Variants in FER1L5 observed in about 807,000 individuals in gnomAD.
The protein encoded by FER1L5 is fer-1-like protein 5.
Under a neutral mutation model 279.9 loss-of-function variants are expected in FER1L5, and 187 were observed. The ratio of observed to expected loss-of-function variants is 0.67; its 90% CI spans 0.59 to 0.75. FER1L5 has a LOEUF of 0.75. Among genes scored for constraint, FER1L5 ranks in the 30% least tolerant of loss-of-function variants. The pLI is 0.00. For synonymous variants in FER1L5, 921 were observed against 989.7 expected, an observed-to-expected ratio of 0.93 and a Z score of 1.30; for missense variants, 2,091 against 2,594.4, an observed-to-expected ratio of 0.81 and a Z score of 4.21.
chr2:96,691,786 A>G lies in FER1L5; in HGVS notation c.3076-39A>G. The G allele has an allele frequency of 6.4e-7, 1 of 1,551,674 alleles. No homozygotes were observed. The highest frequency in any genetic ancestry group is 8.7e-7 in the Non-Finnish European group (1 of 1,146,984). The stretch of plus-strand genomic sequence containing the variant: ...GGCCTGGGCTAGAGGAAACAGGAGC[A>G]GCACCCAAGAGCCTCAGGGGAGACT... On this transcript the variant is annotated intron_variant, in intron 29 of 52. Coordinates refer to ENST00000624922, the MANE Select transcript of FER1L5 (RefSeq NM_001293083.2). The surrounding 1 kb of genome is among the most constrained non-coding windows in gnomAD (Gnocchi z 6.0).
intron 19 of FER1L5, among the ~76,000 whole-genome samples, chr2:96,675,495 C>A (rs373810088): frequency 6.6e-6 from 1 of 152,158 alleles, no homozygotes; most frequent in Non-Finnish European, 1.5e-5. Context: ...GGTACAATCT[C>A]AGCTCACTGC....
chr2:96,698,004 C>T lies in FER1L5; in HGVS notation c.4237-33C>T. On this transcript the variant is annotated intron_variant, in intron 39 of 52. Transcript: ENST00000624922. This position sits in a 1 kb window ranked among gnomAD's most constrained non-coding sequence, Gnocchi z 5.5. ...TCCATCTCCTAATCACGGGAACAGT[C>T]TCCACCAGCCAGGGTTCCACACACC... 6.5e-7 allele frequency: 1 copy of T among 1,543,910 alleles called. No individual in the cohort carries two copies. Among genetic ancestry groups the T allele is most frequent in the Non-Finnish European group, 8.7e-7 (1 of 1,143,072 alleles).
intron 24 of FER1L5, among the ~76,000 whole-genome samples, chr2:96,688,151 T>C (rs76725706): frequency 0.028 from 4,218 of 152,212 alleles, 201 homozygotes; most frequent in African/African-American, 0.098. Context: ...GAGGCAGAGA[T>C]TAAAGCAATC....
chr2:96,647,240 A>C (rs937551677), intron 3 of FER1L5, 85 bp downstream of exon 3: 20 of 1,393,288 alleles, frequency 1.4e-5, no homozygotes, highest in Non-Finnish European at 1.7e-5. Context: ...TCCATAACTC[A>C]CTCAGATGAA....
chr2:96,658,972 G>T (rs2075709867), intron 9 of FER1L5, among the ~76,000 whole-genome samples: 1 of 151,950 alleles, frequency 6.6e-6, no homozygotes, highest in African/African-American at 2.4e-5. Flanking sequence ...TTGGGACGGA[G>T]TCTCTCTCTG....
chr2:96,668,667 G>T lies in FER1L5; in HGVS notation c.1141-84G>T. The T allele has an allele frequency of 2.7e-6, 4 of 1,490,574 alleles. No homozygotes were observed. In the South Asian group the frequency reaches 3.6e-5, roughly 14 times the overall value. The allele number at this position is 1,490,574 out of a possible 1,614,324, so 92.3% of individuals were successfully genotyped here. A position where few individuals can be genotyped will look rare whatever the true frequency, so the allele number is the denominator to read the frequency against. On this transcript the variant is annotated intron_variant, in intron 14 of 52. Transcript: ENST00000624922. Reference sequence around the variant, plus strand: ...AGCCAGGACTTGCTCCCAGACCCGCGACTCCCTACCTGTTCTTAAAATCTC... The same window carrying T: ...AGCCAGGACTTGCTCCCAGACCCGCTACTCCCTACCTGTTCTTAAAATCTC...
intron 19 of FER1L5, among the ~76,000 whole-genome samples, chr2:96,676,806 C>A (rs1330343342): frequency 6.6e-6 from 1 of 152,120 alleles, no homozygotes; most frequent in Admixed American, 6.5e-5. Context: ...ATATACCATG[C>A]AATTAATTAC....
chr2:96,688,981 C>T (rs2106634788), intron 24 of FER1L5: 1 of 511,210 alleles, frequency 2.0e-6, no homozygotes, highest in African/African-American at 2.0e-5. Context: ...TATGATATCT[C>T]TGTCCACACA....
chr2:96,662,277 G>A lies in FER1L5; in HGVS notation c.1071+10G>A. On this transcript the variant is annotated intron_variant, in intron 13 of 52. Transcript: ENST00000624922. ...ACTAATTGGGGAAAAGGTAAGTGTA[G>A]AAATATTCTGAGACCCAGAGAGATT... 1 of 1,551,344 alleles carries A rather than the reference G, an allele frequency of 6.4e-7. No individual in the cohort carries two copies. Among genetic ancestry groups the A allele is most frequent in the South Asian group, 1.2e-5 (1 of 84,028 alleles).
At position 96,695,532 on chromosome 2, in the gene FER1L5, C is replaced by T. The variant is rs1274268547; in HGVS notation, c.3765C>T (p.Asn1255=). 5 of 1,594,090 alleles carry T rather than the reference C, an allele frequency of 3.1e-6. No individual in the cohort carries two copies. Among genetic ancestry groups the T allele is most frequent in the East Asian group, 2.3e-5 (1 of 44,044 alleles). ...AIEILAWGLR[N]MKKASSPQLL... is the part of the protein sequence containing the mutation. Reference sequence around the variant, plus strand: ...AGATCCTGGCCTGGGGCCTTCGGAACATGAAGAAGGCGAGCTCCCCCCAGC... The same window carrying T: ...AGATCCTGGCCTGGGGCCTTCGGAATATGAAGAAGGCGAGCTCCCCCCAGC... The change falls in exon 35 of 53, where the codon AAC becomes AAT. Residue 1255 remains asparagine, a synonymous_variant. Transcript: ENST00000624922.
At chr2:96,704,193 C>T in intron 51 of FER1L5, 22 bp from the exon 52 acceptor site, 1 of 1,610,494 alleles carries the variant, frequency 6.2e-7, no homozygotes, top group Non-Finnish European at 8.5e-7. Flanking sequence ...CATTCTCTGA[C>T]ATCTCCCTGG....
rs1265966404 is a variant in FER1L5, at chr2:96,691,736, G to T, written c.3076-89G>T. On this transcript the variant is annotated intron_variant, in intron 29 of 52. Transcript: ENST00000624922. This position sits in a 1 kb window ranked among gnomAD's most constrained non-coding sequence, Gnocchi z 6.0. ...TCTGTTCCTCAGGCTTGCGAGGGTG[G>T]CAGTGTGAGGGAGGAGGGTGACTGG... is the stretch of plus-strand genomic sequence containing the variant. 4 of 1,550,854 alleles carry T rather than the reference G, an allele frequency of 2.6e-6. No homozygotes were observed. The highest frequency in any genetic ancestry group is 3.5e-6 in the Non-Finnish European group (4 of 1,146,708).
At chr2:96,665,206 G>A (rs981436426) in intron 14 of FER1L5, among the ~76,000 whole-genome samples, 7 of 152,164 alleles carry the variant, frequency 4.6e-5, no homozygotes, top group Admixed American at 6.5e-5. Flanking sequence ...ATAAGTGCAG[G>A]CACACAGGAA....
chr2:96,704,187 C>A, intron 51 of FER1L5, 28 bp from the exon 52 acceptor site: 1 of 1,609,676 alleles, frequency 6.2e-7, no homozygotes. Context: ...CCCTGCCATT[C>A]TCTGACATCT....
At chr2:96,651,769 A>C in intron 6 of FER1L5, 123 bp from the exon 7 acceptor site, 1 of 1,390,122 alleles carries the variant, frequency 7.2e-7, no homozygotes. Context: ...GGCCTCCCAA[A>C]GTGCTGGGAT....
At position 96,700,253 on chromosome 2, in the gene FER1L5, C is replaced by A. The variant is rs905680997; in HGVS notation, c.4931-79C>A. On this transcript the variant is annotated intron_variant, in intron 44 of 52. Transcript: ENST00000624922. Reference sequence around the variant, plus strand: ...CCTTCACTCCTACCCAGGCTGCGGTCGGGAGGGTAAGAGCCTACCTAGGAG... The same window carrying A: ...CCTTCACTCCTACCCAGGCTGCGGTAGGGAGGGTAAGAGCCTACCTAGGAG... 6.3e-6 allele frequency: 10 copies of A among 1,591,880 alleles called. No individual in the cohort carries two copies. The African/African-American group carries it at 9.4e-5, about 15-fold the overall frequency.
intron 19 of FER1L5, among the ~76,000 whole-genome samples, chr2:96,679,172 G>A (rs777375258): frequency 7.3e-5 from 11 of 151,680 alleles, no homozygotes; most frequent in Non-Finnish European, 1.0e-4. Flanking sequence ...GCAACATGGC[G>A]AGATCCTACA....
At chr2:96,649,515 C>T (rs2075278544) in intron 4 of FER1L5, 108 bp from the exon 5 acceptor site, 4 of 1,011,676 alleles carry the variant, frequency 4.0e-6, no homozygotes, top group African/African-American at 1.6e-5. Flanking sequence ...GCATCACGGC[C>T]CCCACCAGGA....
chr2:96,691,192 T>C lies in FER1L5; in HGVS notation c.2746T>C (p.Trp916Arg). 1 of 1,547,448 alleles carries C rather than the reference T, an allele frequency of 6.5e-7. No individual in the cohort carries two copies. Among genetic ancestry groups the C allele is most frequent in the Non-Finnish European group, 8.7e-7 (1 of 1,145,096 alleles). ...AGGCCATGGTCCACCCACCGCAGGC[T>C]GGGAGTATGGAGTGGGGATCCCACC... is the stretch of plus-strand genomic sequence containing the variant. ...ELNHAVDSKG[W>R]EYGVGIPPSG... Residue 916 changes from tryptophan to arginine, a missense_variant and splice_region_variant, in exon 28 of 53, where the codon TGG (tryptophan) becomes CGG (arginine). Coordinates refer to ENST00000624922, the MANE Select transcript of FER1L5 (RefSeq NM_001293083.2). The surrounding 1 kb of genome is among the most constrained non-coding windows in gnomAD (Gnocchi z 6.0).
Sources: allele counts gnomAD v4.1 joint callset (sites outside exome capture counted in the v4.1 genomes callset), GRCh38; gene constraint gnomAD v4.1.1; non-coding constraint Gnocchi (gnomAD v3.1); transcripts MANE v1.5; gene names NCBI Gene and HGNC (gene_info 2026-07-23, HGNC 2026-07-21).